The following KCNQ1OT1 variants were observed in gnomAD, a reference collection of about 807,000 sequenced individuals.
KCNQ1OT1 encodes KCNQ1 opposite strand/antisense transcript 1.
At position 2,658,527 on chromosome 11, in the gene KCNQ1OT1, C is replaced by T. The variant is rs1186152702; in HGVS notation, n.41468G>A. On this transcript the variant is annotated non_coding_transcript_exon_variant, in exon 1 of 1. Coordinates refer to ENST00000597346, the Ensembl canonical transcript of KCNQ1OT1. This position sits in a 1 kb window ranked among gnomAD's most constrained non-coding sequence, Gnocchi z 4.9. ...CTAGCACTTGACAATACTTCAGGCT[C>T]ATCTTTTATTTTCCCTACCCTAGCC... The T allele has an allele frequency of 2.5e-6, 1 of 398,332 alleles. No individual in the cohort carries two copies. The highest frequency in any genetic ancestry group is 4.4e-6 in the Non-Finnish European group (1 of 226,024). The allele number at this position is 398,332 out of a possible 1,614,324, so 24.7% of individuals were successfully genotyped here. A position where few individuals can be genotyped will look rare whatever the true frequency, so the allele number is the denominator to read the frequency against.
rs1260163019 is a variant in KCNQ1OT1 at position 2,691,572 on chromosome 11, A to G, written n.8423T>C. 5 of 398,446 alleles carry G rather than the reference A, an allele frequency of 1.3e-5. No individual in the cohort carries two copies. Among genetic ancestry groups the G allele is most frequent in the Non-Finnish European group, 4.4e-6 (1 of 226,064 alleles). 24.7% of individuals were successfully genotyped at this position (398,446 alleles called of 1,614,324 possible). Reference sequence around the variant, plus strand: ...TCCTGAGGTTATGAAATACCTCAGCAAGGACGAGGCCTCCCTGAGGGAGTC... The same window carrying G: ...TCCTGAGGTTATGAAATACCTCAGCGAGGACGAGGCCTCCCTGAGGGAGTC... On this transcript the variant is annotated non_coding_transcript_exon_variant, in exon 1 of 1. Coordinates refer to ENST00000597346, the Ensembl canonical transcript of KCNQ1OT1. The surrounding 1 kb of genome is among the most constrained non-coding windows in gnomAD (Gnocchi z 6.4).
At chr11:2,644,279 TTTTTCTATA>T (rs1477474582) in exon 1 of KCNQ1OT1, 16 of 398,358 alleles carry the variant, frequency 4.0e-5, no homozygotes, top group Non-Finnish European at 5.8e-5. Context: ...TCTTTTCTAT[TTTTTCTATA>T]TTTTTGTCTG....
At chr11:2,699,576 C>A (rs1034419699) in exon 1 of KCNQ1OT1, 4 of 255,448 alleles carry the variant, frequency 1.6e-5, no homozygotes, top group Non-Finnish European at 1.9e-5. Context: ...TGCTGAGGAG[C>A]CCCCGGGGAG....
rs1307913997 is a variant in KCNQ1OT1, at chr11:2,697,865, G to A, written n.2130C>T. On this transcript the variant is annotated non_coding_transcript_exon_variant, in exon 1 of 1. Coordinates refer to ENST00000597346, the Ensembl canonical transcript of KCNQ1OT1. ...TCTGAATTTGGACATGCTCTGATTC[G>A]CAATTTTAAAAAATCCCTCTAGCTG... The A allele has an allele frequency of 4.5e-5, 18 of 398,354 alleles. 1 individual carries two copies. Among genetic ancestry groups the A allele is most frequent in the Middle Eastern group, 6.2e-4 (1 of 1,610 alleles). The allele number at this position is 398,354 out of a possible 1,614,324, so 24.7% of individuals were successfully genotyped here.
At position 2,620,738 on chromosome 11, in the gene KCNQ1OT1, T is replaced by C; in HGVS notation, n.79257A>G. ...GGATTGCTGGGTCAGATGGTAGTTC[T>C]GTTTTCAGTTATTTGAGAAAACTCC... is the stretch of plus-strand genomic sequence containing the variant. On this transcript the variant is annotated non_coding_transcript_exon_variant, in exon 1 of 1. Transcript: ENST00000597346. The surrounding 1 kb of genome is among the most constrained non-coding windows in gnomAD (Gnocchi z 4.5). 2.5e-6 allele frequency: 1 copy of C among 398,630 alleles called. No homozygotes were observed. Among genetic ancestry groups the C allele is most frequent in the Non-Finnish European group, 4.4e-6 (1 of 226,070 alleles). The allele number at this position is 398,630 out of a possible 1,614,324, so 24.7% of individuals were successfully genotyped here.
Position 2,654,787 on chromosome 11 carries a change from T to A in KCNQ1OT1, n.45208A>T, listed in dbSNP as rs1026733083. The A allele has an allele frequency of 5.0e-6, 2 of 398,482 alleles. No individual in the cohort carries two copies. Among genetic ancestry groups the A allele is most frequent in the African/African-American group, 4.1e-5 (2 of 48,576 alleles). 24.7% of individuals were successfully genotyped at this position (398,482 alleles called of 1,614,324 possible). On this transcript the variant is annotated non_coding_transcript_exon_variant, in exon 1 of 1. Transcript: ENST00000597346. The surrounding 1 kb of genome is among the most constrained non-coding windows in gnomAD (Gnocchi z 6.4). The stretch of plus-strand genomic sequence containing the variant: ...GCAGAGGAAGTGAGACCAGAATTTC[T>A]TGGGAACAGAAAGCCTCAAAGACTT...
rs936431013 is a variant in KCNQ1OT1, at chr11:2,682,083, C to T, written n.17912G>A. The T allele has an allele frequency of 2.8e-5, 11 of 398,464 alleles. No homozygotes were observed. The highest frequency in any genetic ancestry group is 2.3e-4 in the African/African-American group (11 of 48,610). 24.7% of individuals were successfully genotyped at this position (398,464 alleles called of 1,614,324 possible). On this transcript the variant is annotated non_coding_transcript_exon_variant, in exon 1 of 1. Coordinates refer to ENST00000597346, the Ensembl canonical transcript of KCNQ1OT1. This position sits in a 1 kb window ranked among gnomAD's most constrained non-coding sequence, Gnocchi z 5.8. The stretch of plus-strand genomic sequence containing the variant: ...AAGGGTTGAGGGATTGAGTCTAGGG[C>T]CCAGGGTCACAAAGCTAGGGAGCCG...
Position 2,617,134 on chromosome 11 carries a change from TACTA to T in KCNQ1OT1, n.82857_82860del. 5.0e-6 allele frequency: 2 copies of T among 398,344 alleles called. No individual in the cohort carries two copies. Among genetic ancestry groups the T allele is most frequent in the South Asian group, 1.3e-4 (1 of 7,854 alleles). 24.7% of individuals were successfully genotyped at this position (398,344 alleles called of 1,614,324 possible). ...ATTGGCAAAAATTCCAAATGCAATA[TACTA>T]ACTATTCTCATGTTCTACATGAGAT... On this transcript the variant is annotated non_coding_transcript_exon_variant, in exon 1 of 1. Transcript: ENST00000597346. This position sits in a 1 kb window ranked among gnomAD's most constrained non-coding sequence, Gnocchi z 4.6.
rs1264286579 is a variant in KCNQ1OT1, at chr11:2,677,497, A to G, written n.22498T>C. 7 of 398,464 alleles carry G rather than the reference A, an allele frequency of 1.8e-5. No individual in the cohort carries two copies. The highest frequency in any genetic ancestry group is 2.7e-5 in the Non-Finnish European group (6 of 226,072). The allele number at this position is 398,464 out of a possible 1,614,324, so 24.7% of individuals were successfully genotyped here. A position where few individuals can be genotyped will look rare whatever the true frequency, so the allele number is the denominator to read the frequency against. On this transcript the variant is annotated non_coding_transcript_exon_variant, in exon 1 of 1. Transcript: ENST00000597346. The surrounding 1 kb of genome is among the most constrained non-coding windows in gnomAD (Gnocchi z 4.5). The stretch of plus-strand genomic sequence containing the variant: ...CCATGCCATACTTCTACAAAAAATG[A>G]TCCTCTCTGTGGAAGTGCTGCCAAC...
chr11:2,611,350 G>T lies in KCNQ1OT1; in HGVS notation n.88645C>A. On this transcript the variant is annotated non_coding_transcript_exon_variant, in exon 1 of 1. Transcript: ENST00000597346. The surrounding 1 kb of genome is among the most constrained non-coding windows in gnomAD (Gnocchi z 5.3). ...TTCTCTTGCCTCAGCATCCCAAGTA[G>T]CTGGGACTACAGGCATTTGCCACCA... The T allele has an allele frequency of 2.5e-6, 1 of 397,496 alleles. No individual in the cohort carries two copies. Among genetic ancestry groups the T allele is most frequent in the Non-Finnish European group, 4.4e-6 (1 of 225,946 alleles). The allele number at this position is 397,496 out of a possible 1,614,324, so 24.6% of individuals were successfully genotyped here. A position where few individuals can be genotyped will look rare whatever the true frequency, so the allele number is the denominator to read the frequency against.
At chr11:2,694,481 C>G (rs1335581161) in exon 1 of KCNQ1OT1, 1 of 398,476 alleles carries the variant, frequency 2.5e-6, no homozygotes, top group Admixed American at 4.4e-5. Flanking sequence ...TACATCCTGT[C>G]CCAAGCATTA....
At chr11:2,681,959 C>A (rs1407228460) in exon 1 of KCNQ1OT1, 1 of 398,646 alleles carries the variant, frequency 2.5e-6, no homozygotes, top group Admixed American at 4.4e-5. Context: ...ACTACTTACA[C>A]TTCCTGTTTG....
rs1189619467 is a variant in KCNQ1OT1 at position 2,691,035 on chromosome 11, C to T, written n.8960G>A. 2.0e-5 allele frequency: 8 copies of T among 398,540 alleles called. No homozygotes were observed. Among genetic ancestry groups the T allele is most frequent in the Admixed American group, 8.8e-5 (2 of 22,722 alleles). The allele number at this position is 398,540 out of a possible 1,614,324, so 24.7% of individuals were successfully genotyped here. ...CTGGGTGAACTCTTGGCTCAGGTAT[C>T]AGGATATGCTGGGTGAGGGAAATAA... On this transcript the variant is annotated non_coding_transcript_exon_variant, in exon 1 of 1. Coordinates refer to ENST00000597346, the Ensembl canonical transcript of KCNQ1OT1. The surrounding 1 kb of genome is among the most constrained non-coding windows in gnomAD (Gnocchi z 6.4).
rs1383396160 is a variant in KCNQ1OT1 at position 2,670,978 on chromosome 11, A to T, written n.29017T>A. ...TTATGGTGCCCCAGAGCCCCTGGCT[A>T]GGCATTCATGCTTTAGATATGTGGG... On this transcript the variant is annotated non_coding_transcript_exon_variant, in exon 1 of 1. Transcript: ENST00000597346. The surrounding 1 kb of genome is among the most constrained non-coding windows in gnomAD (Gnocchi z 4.9). 2.5e-6 allele frequency: 1 copy of T among 398,618 alleles called. No individual in the cohort carries two copies. Among genetic ancestry groups the T allele is most frequent in the East Asian group, 3.6e-5 (1 of 28,070 alleles). The allele number at this position is 398,618 out of a possible 1,614,324, so 24.7% of individuals were successfully genotyped here. A position where few individuals can be genotyped will look rare whatever the true frequency, so the allele number is the denominator to read the frequency against.
rs1849263595 is a variant in KCNQ1OT1, at chr11:2,626,447, G to T, written n.73548C>A. ...ATCATGTATACAAGGGTTTATTTTTGGGCTCTCTATTCAATTCCATTGGTC... is the reference window on the plus strand; with the variant it reads ...ATCATGTATACAAGGGTTTATTTTTTGGCTCTCTATTCAATTCCATTGGTC... On this transcript the variant is annotated non_coding_transcript_exon_variant, in exon 1 of 1. Transcript: ENST00000597346. This position sits in a 1 kb window ranked among gnomAD's most constrained non-coding sequence, Gnocchi z 4.0. 2.5e-6 allele frequency: 1 copy of T among 398,356 alleles called. No individual in the cohort carries two copies. Among genetic ancestry groups the T allele is most frequent in the African/African-American group, 2.1e-5 (1 of 48,570 alleles). 24.7% of individuals were successfully genotyped at this position (398,356 alleles called of 1,614,324 possible). A position where few individuals can be genotyped will look rare whatever the true frequency, so the allele number is the denominator to read the frequency against.
Position 2,658,806 on chromosome 11 carries a change from A to T in KCNQ1OT1, n.41189T>A, listed in dbSNP as rs1318031265. On this transcript the variant is annotated non_coding_transcript_exon_variant, in exon 1 of 1. Coordinates refer to ENST00000597346, the Ensembl canonical transcript of KCNQ1OT1. This position sits in a 1 kb window ranked among gnomAD's most constrained non-coding sequence, Gnocchi z 4.9. ...AGAGTTCATCCTTGCCCCCTCCCCC[A>T]CAACTTATTTATAGCTTTTTCTCTG... 2.5e-6 allele frequency: 1 copy of T among 398,434 alleles called. No homozygotes were observed. Among genetic ancestry groups the T allele is most frequent in the African/African-American group, 2.1e-5 (1 of 48,676 alleles). The allele number at this position is 398,434 out of a possible 1,614,324, so 24.7% of individuals were successfully genotyped here. A position where few individuals can be genotyped will look rare whatever the true frequency, so the allele number is the denominator to read the frequency against.
At chr11:2,625,395 A>T in exon 1 of KCNQ1OT1, 1 of 398,628 alleles carries the variant, frequency 2.5e-6, no homozygotes, top group Non-Finnish European at 4.4e-6. Context: ...AGCTGATACT[A>T]GAGATGGGTC....
At chr11:2,699,003 C>T in exon 1 of KCNQ1OT1, 1 of 398,652 alleles carries the variant, frequency 2.5e-6, no homozygotes. Flanking sequence ...CTAATTCGGG[C>T]CCTGACTCAG....
At chr11:2,684,522 G>GT (rs1161470111) in exon 1 of KCNQ1OT1, 10 of 398,658 alleles carry the variant, frequency 2.5e-5, no homozygotes, top group African/African-American at 2.1e-4. Context: ...ACTGTTAGGT[G>GT]TTGGAAAAGC....
Sources: gnomAD v4.1 joint callset for allele counts on GRCh38, gnomAD v4.1.1 for gene constraint, Gnocchi (gnomAD v3.1) non-coding constraint, MANE v1.5 for transcripts, NCBI Gene and HGNC (gene_info 2026-07-23, HGNC 2026-07-21) for gene names.